The following STAB2 variants were observed in gnomAD, a reference collection of about 807,000 sequenced individuals.
STAB2 encodes the protein stabilin-2.
In STAB2, 288 loss-of-function variants were observed where a neutral mutation model predicts 338.1. That is an observed-to-expected ratio of 0.85 (90% CI 0.77 to 0.94). The LOEUF (loss-of-function observed/expected upper bound fraction) is 0.94. STAB2 is among the 40% of genes least tolerant of loss of function. STAB2 has a pLI of 0.00. For synonymous variants in STAB2, 1,202 were observed against 1,193.3 expected (o/e 1.01, Z -0.15); for missense variants, 3,141 against 3,210.1 (o/e 0.98, Z 0.52).
At chr12:103,705,048 C>T (rs1297590856) in intron 36 of STAB2, 1 of 157,908 alleles carries the variant, frequency 6.3e-6, no homozygotes, top group African/African-American at 2.4e-5. Context: ...GGTAGACAAT[C>T]CATGTTTCTT....
chr12:103,697,815 G>A (rs1209013273), intron 33 of STAB2, among the ~76,000 whole-genome samples: 1 of 152,216 alleles, frequency 6.6e-6, no homozygotes, highest in Non-Finnish European at 1.5e-5. Flanking sequence ...CCTAAAGCTA[G>A]GAGAACAATG....
intron 44 of STAB2, among the ~76,000 whole-genome samples, chr12:103,719,674 G>A (rs1431397085): frequency 1.3e-5 from 2 of 152,190 alleles, no homozygotes; most frequent in African/African-American, 4.8e-5. Context: ...GGTTAATCTA[G>A]GATGATGTTA....
chr12:103,654,271 T>C (rs1874006602), intron 12 of STAB2, among the ~76,000 whole-genome samples: 1 of 152,246 alleles, frequency 6.6e-6, no homozygotes, highest in Non-Finnish European at 1.5e-5. Context: ...TTTGTCCTTA[T>C]GAAGCTTGCA....
chr12:103,765,119 G>GGTAA lies in STAB2; in HGVS notation c.7606-1164_7606-1161dup, dbSNP rs144799400. 2.8e-3 allele frequency among the ~76,000 whole-genome samples: 413 copies of GGTAA among 149,254 alleles called. 3 individuals are homozygous for GGTAA. The highest frequency in any genetic ancestry group is 9.6e-3 in the African/African-American group (390 of 40,600). ...AAAAAAAAAAAAAAAAAAGGGAGGT[G>GGTAA]GTAAGTTCAGCTAAATTACATTTGT... On this transcript the variant is annotated intron_variant, in intron 68 of 68. Transcript: ENST00000388887.
At chr12:103,749,552 G>A (rs996272184) in intron 59 of STAB2, among the ~76,000 whole-genome samples, 4 of 151,834 alleles carry the variant, frequency 2.6e-5, no homozygotes, top group African/African-American at 4.8e-5. Context: ...AAAGCTGGCC[G>A]GGCACGGTGG....
Position 103,695,776 on chromosome 12 carries a change from TAC to T in STAB2, c.3518_3519del (p.Thr1173SerfsTer40). The T allele has an allele frequency of 1.2e-6, 2 of 1,614,224 alleles. No homozygotes were observed. Among genetic ancestry groups the T allele is most frequent in the South Asian group, 1.1e-5 (1 of 91,082 alleles). ...LANAIEAADA[Y>X]TVFAPNNNAI... ...GAATGCAATTGAGGCTGCCGATGCC[TAC>T]ACAGTGTTTGCTCCAAACAACAATG... On this transcript the variant is annotated frameshift_variant, in exon 33 of 69. Coordinates refer to ENST00000388887, the MANE Select transcript of STAB2 (RefSeq NM_017564.10). LOFTEE classifies it high-confidence loss of function.
chr12:103,627,247 C>A (rs1246132585), intron 5 of STAB2, among the ~76,000 whole-genome samples: 3 of 152,170 alleles, frequency 2.0e-5, no homozygotes, highest in Admixed American at 2.0e-4. Context: ...ATACATTACA[C>A]ACCAGACAGG....
chr12:103,737,602 T>TGTC, intron 52 of STAB2, 32 bp from the exon 53 acceptor site: 1 of 983,720 alleles, frequency 1.0e-6, no homozygotes, highest in Non-Finnish European at 1.4e-6. Flanking sequence ...CTCTCTCTCT[T>TGTC]TCTCTTTTTT....
rs141525510 is a variant in STAB2, at chr12:103,654,689, C to T, written c.1542C>T (p.Ser514=). The T allele has an allele frequency of 6.7e-5, 108 of 1,613,694 alleles. No individual in the cohort carries two copies. The highest frequency in any genetic ancestry group is 2.2e-4 in the South Asian group (20 of 90,954). ...ACAAGTTAGAACCCACATTTGAGAG[C>T]AACAATGAGGTGAGTATTCAGATAA... ...AMDKLEPTFE[S]NNEQTIMTML... is the part of the protein sequence containing the mutation. The change falls in exon 13 of 69, where the codon AGC becomes AGT. Residue 514 remains serine (S), a synonymous_variant. Coordinates refer to ENST00000388887, the MANE Select transcript of STAB2 (RefSeq NM_017564.10).
At chr12:103,679,241 G>A (rs2138854079) in intron 25 of STAB2, among the ~76,000 whole-genome samples, 1 of 152,236 alleles carries the variant, frequency 6.6e-6, no homozygotes, top group Admixed American at 6.5e-5. Flanking sequence ...TGTGGTGCAT[G>A]CCTGTAATCC....
intron 65 of STAB2, among the ~76,000 whole-genome samples, chr12:103,760,293 C>G (rs1884443065): frequency 6.6e-6 from 1 of 152,192 alleles, no homozygotes; most frequent in African/African-American, 2.4e-5. Flanking sequence ...CAGTCTCTCG[C>G]TCTGTCACCC....
intron 18 of STAB2, among the ~76,000 whole-genome samples, chr12:103,664,258 C>T (rs565034595): frequency 7.4e-4 from 113 of 152,314 alleles, no homozygotes; most frequent in African/African-American, 2.6e-3. Flanking sequence ...ATTCTCCTGC[C>T]TCAGCCTCCC....
rs185812040 is a variant in STAB2, at chr12:103,717,809, A to G, written c.4651A>G (p.Lys1551Glu). ...TTTGCCAGCATACACTGGAGATGGA[A>G]AGGTCTGCACACTCATCAATGTCTG... ...NCLPAYTGDG[K>E]VCTLINVCLT... Residue 1551 changes from lysine to glutamate, a missense_variant, in exon 44 of 69, where the codon AAG (lysine) becomes GAG (glutamate). Lys to Glu is a moderately conservative substitution (Grantham distance 56). Transcript: ENST00000388887. The G allele has an allele frequency of 1.0e-4, 163 of 1,614,110 alleles. 4 individuals carry two copies. In the East Asian group the frequency reaches 3.4e-3, roughly 33 times the overall value.
intron 3 of STAB2, among the ~76,000 whole-genome samples, chr12:103,611,124 G>A (rs1275378648): frequency 2.6e-5 from 4 of 152,120 alleles, no homozygotes; most frequent in Non-Finnish European, 2.9e-5. Flanking sequence ...GGTCAATTTT[G>A]GAATAAGTGC....
intron 65 of STAB2, 80 bp from the exon 66 acceptor site, chr12:103,761,220 G>C (rs1406072869): frequency 1.4e-5 from 19 of 1,362,340 alleles, no homozygotes; most frequent in Non-Finnish European, 1.7e-5. Flanking sequence ...AGGGGCCTTG[G>C]GAAAATTGAA....
intron 38 of STAB2, among the ~76,000 whole-genome samples, chr12:103,707,927 G>GA (rs1391721257): frequency 1.3e-5 from 2 of 152,200 alleles, no homozygotes; most frequent in Non-Finnish European, 2.9e-5. Context: ...AGATGACCCT[G>GA]ATGGGATTCA....
At chr12:103,593,784 C>A (rs1261512825) in intron 2 of STAB2, among the ~76,000 whole-genome samples, 1 of 152,330 alleles carries the variant, frequency 6.6e-6, no homozygotes, top group South Asian at 2.1e-4. Flanking sequence ...GCCATGCCTG[C>A]AGAGATCCCT....
chr12:103,594,477 T>C lies in STAB2; in HGVS notation c.298T>C (p.Cys100Arg). The change falls in exon 3 of 69, where the codon TGT becomes CGT. Residue 100 changes from cysteine (C) to arginine (R), a missense_variant. Coordinates refer to ENST00000388887, the MANE Select transcript of STAB2 (RefSeq NM_017564.10). ...TAGGAAGGACTATCTCCAACCTCGG[T>C]GTTGTCCTGGCCGCTGGGGCCCAGA... ...ICRKDYLQPR[C>R]CPGRWGPDCI... is the part of the protein sequence containing the mutation. The C allele has an allele frequency of 6.2e-7, 1 of 1,613,982 alleles. No individual in the cohort carries two copies. The highest frequency in any genetic ancestry group is 8.5e-7 in the Non-Finnish European group (1 of 1,179,860).
chr12:103,753,861 C>G lies in STAB2; in HGVS notation c.6714+508C>G, dbSNP rs148294446. ...CGAACCCACAAAACAGTGGAGTTTC[C>G]CTGGAATAGCTGGGGCTCTCTCTGG... On this transcript the variant is annotated intron_variant, in intron 61 of 68. Transcript: ENST00000388887. 3.0e-3 allele frequency among the ~76,000 whole-genome samples: 450 copies of G among 152,234 alleles called. 2 individuals carry two copies. The highest frequency in any genetic ancestry group is 9.7e-3 in the African/African-American group (404 of 41,542).
Sources: gnomAD v4.1 joint callset for allele counts (sites outside exome capture counted in the v4.1 genomes callset) on GRCh38, gnomAD v4.1.1 for gene constraint, MANE v1.5 for transcripts, NCBI Gene and HGNC (gene_info 2026-07-23, HGNC 2026-07-21) for gene names.